ERVW-1: variants seen among roughly 807,000 people sequenced by gnomAD.
ERVW-1 encodes endogenous retrovirus group W member 1, envelope, also known as syncytin-1.
A neutral mutation model predicts 16.6 loss-of-function variants in ERVW-1; 21 were observed. The ratio of observed to expected loss-of-function variants is 1.26; its 90% confidence interval spans 0.90 to 1.82. The LOEUF is 1.82. Among genes scored for constraint, ERVW-1 ranks in the 40% most tolerant of loss-of-function variants. The probability of loss-of-function intolerance (pLI) is 0.00; values close to 1 mark genes in which losing one functional copy is unlikely to be tolerated. For missense variants in ERVW-1, 412 were observed against 300.2 expected (o/e 1.37, Z -2.75); for synonymous variants, 161 against 109.8 (o/e 1.47, Z -2.92).
chr7:92,474,383 T>C lies in ERVW-1; in HGVS notation c.-228+2999A>G, dbSNP rs151315898. On this transcript the variant is annotated intron_variant, in intron 1 of 1. Transcript: ENST00000603053. ...CGCTTCCTCAATGCCTCCCTTAGTC[T>C]CTCCAGAAAGGCAGTAGGATTTTCT... 5.2e-3 allele frequency among the ~76,000 whole-genome samples: 793 copies of C among 152,302 alleles called. 11 individuals are homozygous for C. Among genetic ancestry groups the C allele is most frequent in the African/African-American group, 0.018 (749 of 41,562 alleles).
intron 1 of ERVW-1, among the ~76,000 whole-genome samples, chr7:92,475,749 T>C (rs1180404527): frequency 6.6e-6 from 1 of 152,220 alleles, no homozygotes; most frequent in Non-Finnish European, 1.5e-5. Flanking sequence ...GCCTTTGCGC[T>C]CAGGGGTGAG....
At position 92,470,192 on chromosome 7, in the gene ERVW-1, C is replaced by A. The variant is rs1455934350; in HGVS notation, c.190G>T (p.Ala64Ser). The change falls in exon 2 of 2, where the codon GCC becomes TCC. Residue 64 changes from alanine to serine, a missense_variant. Coordinates refer to ENST00000603053, the MANE Select transcript of ERVW-1 (RefSeq NM_001130925.2). Reference protein sequence around the residue: ...SLSKGTPTFTAHTHMPRNCYH... With the variant: ...SLSKGTPTFTSHTHMPRNCYH... Reference sequence around the variant, plus strand: ...CAGTTGCGGGGCATATGGGTGTGGGCAGTGAAGGTGGGGGTTCCCTTAGAA... The same window carrying A: ...CAGTTGCGGGGCATATGGGTGTGGGAAGTGAAGGTGGGGGTTCCCTTAGAA... 6 of 778,298 alleles carry A rather than the reference C, an allele frequency of 7.7e-6. No individual in the cohort carries two copies. Among genetic ancestry groups the A allele is most frequent in the Admixed American group, 5.1e-5 (3 of 58,972 alleles). 48.2% of individuals were successfully genotyped at this position (778,298 alleles called of 1,614,324 possible). A position where few individuals can be genotyped will look rare whatever the true frequency, so the allele number is the denominator to read the frequency against.
intron 1 of ERVW-1, among the ~76,000 whole-genome samples, chr7:92,476,596 A>C (rs1790553473): frequency 2.2e-5 from 3 of 137,964 alleles, no homozygotes; most frequent in Admixed American, 7.1e-5. Context: ...TCTCTCTTTG[A>C]CTCTCTCTCT....
In ERVW-1 at chr7:92,469,034, G is replaced by A. The variant is rs1427176978; in HGVS notation, c.1348C>T (p.Pro450Ser). ...LLSQWMPWIL[P>S]FLGPLAAIIL... ...ATAGCTGCTAGAGGTCCTAAGAAGG[G>A]GAGAATCCAGGGCATCCATTGGCTG... Residue 450 changes from proline to serine, a missense_variant, in exon 2 of 2, where the codon CCC becomes TCC. Transcript: ENST00000603053. 1 of 714,682 alleles carries A rather than the reference G, an allele frequency of 1.4e-6. No homozygotes were observed. Among genetic ancestry groups the A allele is most frequent in the Non-Finnish European group, 2.6e-6 (1 of 392,152 alleles). 44.3% of individuals were successfully genotyped at this position (714,682 alleles called of 1,614,324 possible).
chr7:92,469,985 T>C lies in ERVW-1; in HGVS notation c.397A>G (p.Ile133Val). Reference protein sequence around the residue: ...QAREKHVKEVISQLTRVHGTS... With the variant: ...QAREKHVKEVVSQLTRVHGTS... ...CCATGTACCCGGGTGAGTTGGGAGATTACTTCTTTTACATGTTTTTCTCTT... is the reference window on the plus strand; with the variant it reads ...CCATGTACCCGGGTGAGTTGGGAGACTACTTCTTTTACATGTTTTTCTCTT... The change falls in exon 2 of 2, where the codon ATC (isoleucine) becomes GTC (valine). Residue 133 changes from isoleucine to valine, a missense_variant. Transcript: ENST00000603053. The C allele has an allele frequency of 1.3e-6, 1 of 777,202 alleles. No individual in the cohort carries two copies. Among genetic ancestry groups the C allele is most frequent in the Non-Finnish European group, 2.4e-6 (1 of 417,062 alleles). 48.1% of individuals were successfully genotyped at this position (777,202 alleles called of 1,614,324 possible). A position where few individuals can be genotyped will look rare whatever the true frequency, so the allele number is the denominator to read the frequency against.
rs778013657 is a variant in ERVW-1 at position 92,470,382 on chromosome 7, G to C, written c.-1C>G. On this transcript the variant is annotated 5_prime_UTR_variant, in exon 2 of 2. Coordinates refer to ENST00000603053, the MANE Select transcript of ERVW-1 (RefSeq NM_001130925.2). ...GAAAAATATGATAAGGGAGGGCCAT[G>C]GGGATTTATGATTTTAGTTACTTTC... The C allele has an allele frequency of 1.0e-4, 70 of 692,438 alleles. No individual in the cohort carries two copies. Among genetic ancestry groups the C allele is most frequent in the Non-Finnish European group, 9.0e-5 (34 of 377,754 alleles). 42.9% of individuals were successfully genotyped at this position (692,438 alleles called of 1,614,324 possible).
chr7:92,476,749 G>T (rs1011437997), intron 1 of ERVW-1, among the ~76,000 whole-genome samples: 1 of 151,992 alleles, frequency 6.6e-6, no homozygotes, highest in African/African-American at 2.4e-5. Context: ...CCTGGCAAGG[G>T]TGGTGGGGAG....
In ERVW-1 at chr7:92,477,098, C is replaced by T. The variant is rs149338724; in HGVS notation, c.-228+284G>A. 8.0e-3 allele frequency among the ~76,000 whole-genome samples: 1,221 copies of T among 152,266 alleles called. 20 individuals are homozygous for T. The highest frequency in any genetic ancestry group is 0.028 in the African/African-American group (1,156 of 41,558). Reference sequence around the variant, plus strand: ...CTTCTGGCTACACCATGATCTCAACCGGCTACTGCCGGGAGTTCAGGACGA... The same window carrying T: ...CTTCTGGCTACACCATGATCTCAACTGGCTACTGCCGGGAGTTCAGGACGA... On this transcript the variant is annotated intron_variant, in intron 1 of 1. Transcript: ENST00000603053.
Position 92,469,817 on chromosome 7 carries a change from A to G in ERVW-1, c.565T>C (p.Cys189Arg), listed in dbSNP as rs1790257007. The change falls in exon 2 of 2, where the codon TGC (cysteine) becomes CGC (arginine). Residue 189 changes from cysteine (C) to arginine (R), a missense_variant. Physicochemically the swap from Cys to Arg is radical, Grantham distance 180. Coordinates refer to ENST00000603053, the MANE Select transcript of ERVW-1 (RefSeq NM_001130925.2). Reference protein sequence around the residue: ...SAQNPTNCWICLPLNFRPYVS... With the variant: ...SAQNPTNCWIRLPLNFRPYVS... ...TATGGCCTGAAGTTCAGGGGGAGGC[A>G]TATCCAACAGTTAGTAGGGTTTTGG... 1 of 769,202 alleles carries G rather than the reference A, an allele frequency of 1.3e-6. No homozygotes were observed. The highest frequency in any genetic ancestry group is 2.4e-6 in the Non-Finnish European group (1 of 417,664). 47.6% of individuals were successfully genotyped at this position (769,202 alleles called of 1,614,324 possible). A position where few individuals can be genotyped will look rare whatever the true frequency, so the allele number is the denominator to read the frequency against.
chr7:92,470,219 G>T lies in ERVW-1; in HGVS notation c.163C>A (p.Leu55Ile). The change falls in exon 2 of 2, where the codon CTT becomes ATT. Residue 55 changes from leucine to isoleucine, a missense_variant. By Grantham distance (5) the Leu-to-Ile change is conservative. Coordinates refer to ENST00000603053, the MANE Select transcript of ERVW-1 (RefSeq NM_001130925.2). Reference sequence around the variant, plus strand: ...GTGAAGGTGGGGGTTCCCTTAGAAAGACTCCTATACGATGGGGCATCAATA... The same window carrying T: ...GTGAAGGTGGGGGTTCCCTTAGAAATACTCCTATACGATGGGGCATCAATA... Reference protein sequence around the residue: ...GNIDAPSYRSLSKGTPTFTAH... With the variant: ...GNIDAPSYRSISKGTPTFTAH... 1 of 777,092 alleles carries T rather than the reference G, an allele frequency of 1.3e-6. No homozygotes were observed. The highest frequency in any genetic ancestry group is 2.4e-6 in the Non-Finnish European group (1 of 417,256). 48.1% of individuals were successfully genotyped at this position (777,092 alleles called of 1,614,324 possible).
chr7:92,476,796 G>A (rs1269921335), intron 1 of ERVW-1, among the ~76,000 whole-genome samples: 3 of 152,096 alleles, frequency 2.0e-5, no homozygotes, highest in Non-Finnish European at 4.4e-5. Context: ...AGAGCTGTAT[G>A]CCTAAATTGG....
intron 1 of ERVW-1, chr7:92,472,602 A>G (rs1362282790): frequency 1.3e-5 from 2 of 152,224 alleles, no homozygotes; most frequent in Non-Finnish European, 2.9e-5. Context: ...TGTCCATCTT[A>G]CTAAATGGGT....
chr7:92,468,758 G>A lies in ERVW-1; in HGVS notation c.*7C>T, dbSNP rs758012072. 15 of 712,652 alleles carry A rather than the reference G, an allele frequency of 2.1e-5. No individual in the cohort carries two copies. Among genetic ancestry groups the A allele is most frequent in the South Asian group, 1.7e-4 (11 of 66,274 alleles). 44.1% of individuals were successfully genotyped at this position (712,652 alleles called of 1,614,324 possible). A position where few individuals can be genotyped will look rare whatever the true frequency, so the allele number is the denominator to read the frequency against. On this transcript the variant is annotated 3_prime_UTR_variant, in exon 2 of 2. Transcript: ENST00000603053. Reference sequence around the variant, plus strand: ...AGTGCTGTTGGGGAGGTTGGCCGACGACCGCTCTAACTGCTTCCTGCTGAA... The same window carrying A: ...AGTGCTGTTGGGGAGGTTGGCCGACAACCGCTCTAACTGCTTCCTGCTGAA...
chr7:92,476,793 T>C (rs1368133889), intron 1 of ERVW-1, among the ~76,000 whole-genome samples: 1 of 152,020 alleles, frequency 6.6e-6, no homozygotes, highest in Non-Finnish European at 1.5e-5. Flanking sequence ...TCAAGAGCTG[T>C]ATGCCTAAAT....
chr7:92,475,722 C>T (rs963569411), intron 1 of ERVW-1, among the ~76,000 whole-genome samples: 1 of 152,200 alleles, frequency 6.6e-6, no homozygotes, highest in Admixed American at 6.5e-5. Flanking sequence ...TGGTCCTTTA[C>T]CAGCATGCCC....
At chr7:92,476,631 C>G (rs1790556629) in intron 1 of ERVW-1, among the ~76,000 whole-genome samples, 1 of 151,974 alleles carries the variant, frequency 6.6e-6, no homozygotes, top group African/African-American at 2.4e-5. Context: ...TCTCTCTCTT[C>G]TGTCTCTCTC....
Position 92,470,381 on chromosome 7 carries a change from TGG to T in ERVW-1, c.-2_-1del. On this transcript the variant is annotated 5_prime_UTR_variant, in exon 2 of 2. Transcript: ENST00000603053. ...AGAAAAATATGATAAGGGAGGGCCA[TGG>T]GGATTTATGATTTTAGTTACTTTCC... 4.3e-6 allele frequency: 3 copies of T among 692,628 alleles called. No individual in the cohort carries two copies. The South Asian group carries it at 5.0e-5, about 12-fold the overall frequency. 42.9% of individuals were successfully genotyped at this position (692,628 alleles called of 1,614,324 possible).
chr7:92,474,971 G>C (rs1362410318), intron 1 of ERVW-1: 2 of 152,036 alleles, frequency 1.3e-5, no homozygotes, highest in Non-Finnish European at 2.9e-5. Context: ...GTTGAAGGGG[G>C]GTCCTTATTA....
intron 1 of ERVW-1, among the ~76,000 whole-genome samples, chr7:92,474,257 C>T (rs1253214236): frequency 6.6e-6 from 1 of 152,176 alleles, no homozygotes; most frequent in Non-Finnish European, 1.5e-5. Context: ...GGGCCTACGG[C>T]AGACTTTTGA....
Sources: allele counts gnomAD v4.1 joint callset (sites outside exome capture counted in the v4.1 genomes callset), GRCh38; gene constraint gnomAD v4.1.1; transcripts MANE v1.5; gene names NCBI Gene and HGNC (gene_info 2026-07-23, HGNC 2026-07-21).